Variants in PCDH15 observed in about 807,000 individuals in gnomAD.
The protein encoded by PCDH15 is protocadherin-15.
In PCDH15, 129 loss-of-function variants were observed where a neutral mutation model predicts 178.5. The observed-to-expected ratio is 0.72, with a 90% CI of 0.63 to 0.84. The LOEUF is 0.84. Among genes scored for constraint, PCDH15 ranks in the 40% least tolerant of loss-of-function variants. The pLI, the probability that PCDH15 is intolerant of heterozygous loss-of-function variation, is 0.00. For synonymous variants in PCDH15, 800 were observed against 732.0 expected (o/e 1.09, Z -1.50); for missense variants, 2,230 against 2,099.9 (o/e 1.06, Z -1.21).
At chr10:54,561,342 GT>G (rs2088115870) in intron 2 of PCDH15, among the ~76,000 whole-genome samples, 1 of 152,010 alleles carries the variant, frequency 6.6e-6, no homozygotes, top group Admixed American at 6.6e-5. Context: ...AATGAACAAA[GT>G]TCAAAAGTGA....
Position 54,608,817 on chromosome 10 carries a change from AAAG to A in PCDH15, c.91+55352_91+55354del, listed in dbSNP as rs532876595. On this transcript the variant is annotated intron_variant, in intron 2 of 37. Transcript: ENST00000644397. ...GCTATTATATTATTCTCCATTAAAAAAAGAAGAAGAAGAAGAAATGAGAAAAAA... is the reference window on the plus strand; with the variant it reads ...GCTATTATATTATTCTCCATTAAAAAAAGAAGAAGAAGAAATGAGAAAAAA... 4.5e-4 allele frequency among the ~76,000 whole-genome samples: 68 copies of A among 152,108 alleles called. No homozygotes were observed. In the South Asian group the frequency reaches 1.0e-2, roughly 22 times the overall value.
At chr10:55,267,947 A>G (rs1174286176) in intron 1 of PCDH15, among the ~76,000 whole-genome samples, 1 of 151,380 alleles carries the variant, frequency 6.6e-6, no homozygotes, top group Non-Finnish European at 1.5e-5. Flanking sequence ...TAAAAAAATA[A>G]AGCAAACTTC....
At chr10:53,888,300 A>ATATATACG (rs2081258118) in intron 26 of PCDH15, among the ~76,000 whole-genome samples, 1 of 82,018 alleles carries the variant, frequency 1.2e-5, no homozygotes, top group Non-Finnish European at 2.2e-5. Flanking sequence ...ACATATATAT[A>ATATATACG]TATATATATG....
intron 11 of PCDH15, among the ~76,000 whole-genome samples, chr10:54,194,069 A>G (rs1194527126): frequency 6.6e-6 from 1 of 151,694 alleles, no homozygotes; most frequent in Non-Finnish European, 1.5e-5. Flanking sequence ...ATTGAAAAAA[A>G]AAAAAAAGCT....
chr10:54,180,399 C>G (rs986275151), intron 13 of PCDH15, among the ~76,000 whole-genome samples: 2 of 152,170 alleles, frequency 1.3e-5, no homozygotes, highest in Non-Finnish European at 1.5e-5. Context: ...AGTATGCACT[C>G]ACATCAGGCT....
chr10:55,374,129 A>ATGGGCTT (rs1416898534), intron 2 of PCDH15, among the ~76,000 whole-genome samples: 2 of 150,792 alleles, frequency 1.3e-5, no homozygotes, highest in Non-Finnish European at 3.0e-5. Context: ...TAATAAAAGA[A>ATGGGCTT]TGGGCTTTGG....
intron 8 of PCDH15, among the ~76,000 whole-genome samples, chr10:54,263,649 T>C (rs1453284903): frequency 6.6e-6 from 1 of 152,062 alleles, no homozygotes. Context: ...GGAACATATA[T>C]AGAAACTTCA....
At chr10:55,207,785 T>C (rs1188022586) in intron 1 of PCDH15, among the ~76,000 whole-genome samples, 1 of 152,054 alleles carries the variant, frequency 6.6e-6, no homozygotes, top group Non-Finnish European at 1.5e-5. Flanking sequence ...CTGGACAACA[T>C]GGTGAAACCC....
chr10:54,877,190 T>C (rs1358009826), intron 3 of PCDH15, among the ~76,000 whole-genome samples: 1 of 152,214 alleles, frequency 6.6e-6, no homozygotes, highest in African/African-American at 2.4e-5. Context: ...TCTAGATATA[T>C]GTTGTGACAC....
intron 2 of PCDH15, among the ~76,000 whole-genome samples, chr10:55,103,636 C>CA (rs1172729496): frequency 2.6e-5 from 4 of 152,002 alleles, no homozygotes; most frequent in African/African-American, 9.7e-5. Context: ...GTAATCCTTC[C>CA]TGATTTTCAT....
At chr10:53,895,455 T>C (rs139461064) in intron 26 of PCDH15, among the ~76,000 whole-genome samples, 88 of 152,338 alleles carry the variant, frequency 5.8e-4, no homozygotes, top group African/African-American at 1.9e-3. Context: ...AATTCAAAAA[T>C]AGAATATTCA....
intron 7 of PCDH15, among the ~76,000 whole-genome samples, chr10:54,326,619 A>G (rs1382351289): frequency 6.6e-6 from 1 of 152,140 alleles, no homozygotes; most frequent in Non-Finnish European, 1.5e-5. Context: ...AAATTAACAT[A>G]CAAAGCATGC....
chr10:55,412,686 A>C (rs1216863854), intron 2 of PCDH15, among the ~76,000 whole-genome samples: 3 of 152,002 alleles, frequency 2.0e-5, no homozygotes, highest in Non-Finnish European at 4.4e-5. Flanking sequence ...AAAACTCTAA[A>C]AATATTTTAT....
chr10:54,961,465 A>G (rs1838652905), intron 2 of PCDH15, among the ~76,000 whole-genome samples: 1 of 152,236 alleles, frequency 6.6e-6, no homozygotes. Context: ...CCTTCAAGCC[A>G]GGAATGGCTT....
chr10:55,576,137 G>A (rs1842493426), intron 2 of PCDH15, among the ~76,000 whole-genome samples: 1 of 152,110 alleles, frequency 6.6e-6, no homozygotes, highest in African/African-American at 2.4e-5. Context: ...AAATTTAACT[G>A]CTACTAGCAG....
chr10:54,147,858 A>C (rs1313303125), intron 14 of PCDH15, among the ~76,000 whole-genome samples: 3 of 151,940 alleles, frequency 2.0e-5, no homozygotes, highest in Non-Finnish European at 2.9e-5. Context: ...TGGAGGAAAA[A>C]GCTTTAAATC....
intron 2 of PCDH15, among the ~76,000 whole-genome samples, chr10:55,430,602 G>T (rs537132397): frequency 6.6e-6 from 1 of 152,134 alleles, no homozygotes; most frequent in South Asian, 2.1e-4. Flanking sequence ...TACCCACGAA[G>T]GCCAGTTATT....
chr10:54,029,903 G>A (rs115967498), intron 18 of PCDH15, among the ~76,000 whole-genome samples: 64 of 152,132 alleles, frequency 4.2e-4, no homozygotes, highest in African/African-American at 1.5e-3. Context: ...TGCCTGTATG[G>A]GTGGAATATA....
chr10:55,163,532 T>C (rs1304393517), intron 2 of PCDH15, among the ~76,000 whole-genome samples: 2 of 152,056 alleles, frequency 1.3e-5, no homozygotes, highest in African/African-American at 4.8e-5. Context: ...CCCAGGAGAT[T>C]AGACCTTCTC....
Sources: allele counts gnomAD v4.1 joint callset (sites outside exome capture counted in the v4.1 genomes callset), GRCh38; gene constraint gnomAD v4.1.1; transcripts MANE v1.5; gene names NCBI Gene and HGNC (gene_info 2026-07-23, HGNC 2026-07-21).